The following ZBTB16 variants were observed in gnomAD, a reference collection of about 807,000 sequenced individuals.
ZBTB16 encodes the protein zinc finger and BTB domain containing 16.
In ZBTB16, 8 loss-of-function variants were observed where a neutral mutation model predicts 56.8. The observed-to-expected ratio is 0.14, with a 90% CI of 0.08 to 0.25. ZBTB16 has a LOEUF of 0.25. ZBTB16 is among the 10% of genes least tolerant of loss of function. The probability of loss-of-function intolerance (pLI) is 1.00; values close to 1 mark genes in which losing one functional copy is unlikely to be tolerated. For missense variants in ZBTB16, 625 were observed against 903.0 expected, an observed-to-expected ratio of 0.69 and a Z score of 3.95; for synonymous variants, 363 against 368.5, an observed-to-expected ratio of 0.98 and a Z score of 0.17.
rs58946694 is a variant in ZBTB16 at position 114,167,232 on chromosome 11, G to GTTTTTT, written c.1366+10814_1366+10819dup. On this transcript the variant is annotated intron_variant, in intron 3 of 6. Transcript: ENST00000335953. ...GGATTTGTGGTTTTTTTTTTTTTTG[G>GTTTTTT]TTTTTTTTTTTTTTTTTTTTTGACA... 1.3e-3 allele frequency among the ~76,000 whole-genome samples: 115 copies of GTTTTTT among 88,704 alleles called. 2 individuals are homozygous for GTTTTTT. Among genetic ancestry groups the GTTTTTT allele is most frequent in the East Asian group, 1.7e-3 (5 of 2,872 alleles). The allele number at this position is 88,704 out of a possible 152,430, so 58.2% of individuals were successfully genotyped here.
At chr11:114,071,575 A>G (rs1939349834) in intron 2 of ZBTB16, among the ~76,000 whole-genome samples, 1 of 152,198 alleles carries the variant, frequency 6.6e-6, no homozygotes, top group Admixed American at 6.5e-5. Context: ...ATTTCTTGCT[A>G]ATTCAGGAGA....
chr11:114,098,034 T>TCTC (rs1169314724), intron 2 of ZBTB16, among the ~76,000 whole-genome samples: 1 of 152,206 alleles, frequency 6.6e-6, no homozygotes, highest in Non-Finnish European at 1.5e-5. Flanking sequence ...ACGGGCCTTG[T>TCTC]CTCCTCCTGC....
intron 4 of ZBTB16, among the ~76,000 whole-genome samples, chr11:114,232,119 C>T (rs1409840182): frequency 6.6e-6 from 1 of 152,176 alleles, no homozygotes; most frequent in Non-Finnish European, 1.5e-5. Context: ...TGTTCCCCCA[C>T]CCGCTTTGGG....
intron 2 of ZBTB16, among the ~76,000 whole-genome samples, chr11:114,127,774 A>G (rs117911266): frequency 0.012 from 1,753 of 152,320 alleles, 14 homozygotes; most frequent in Non-Finnish European, 0.018. Context: ...CTGTTAGCAC[A>G]TGGCTATGCA....
At position 114,255,059 on chromosome 11, in the gene ZBTB16, A is replaced by G. The variant is rs1159902975; in HGVS notation, c.*4504A>G. Among the ~76,000 whole-genome samples, 1 of 152,218 alleles carries G rather than the reference A, an allele frequency of 6.6e-6. No individual in the cohort carries two copies. The highest frequency in any genetic ancestry group is 1.5e-5 in the Non-Finnish European group (1 of 68,038). ...GTTATGCATGATCTTCGTAAGGTTA[A>G]GAAGCCGTGGTGGTGCACCATGACA... On this transcript the variant is annotated 3_prime_UTR_variant, in exon 7 of 7. Transcript: ENST00000335953.
At chr11:114,217,806 G>T (rs144698154) in intron 4 of ZBTB16, among the ~76,000 whole-genome samples, 1 of 152,320 alleles carries the variant, frequency 6.6e-6, no homozygotes, top group East Asian at 1.9e-4. Context: ...GCTCAGCAGA[G>T]AAGGGCCTCC....
At chr11:114,206,123 C>G (rs1943866181) in intron 4 of ZBTB16, among the ~76,000 whole-genome samples, 2 of 152,206 alleles carry the variant, frequency 1.3e-5, no homozygotes, top group African/African-American at 4.8e-5. Context: ...AGTACCAAGT[C>G]ATGGTGCCAT....
intron 2 of ZBTB16, among the ~76,000 whole-genome samples, chr11:114,106,843 T>C (rs559291872): frequency 6.6e-6 from 1 of 152,328 alleles, no homozygotes; most frequent in South Asian, 2.1e-4. Context: ...TTCCAAAATG[T>C]TGTGACTTCC....
At chr11:114,088,757 G>C (rs1325358030) in intron 2 of ZBTB16, among the ~76,000 whole-genome samples, 1 of 152,242 alleles carries the variant, frequency 6.6e-6, no homozygotes, top group East Asian at 1.9e-4. Context: ...CTCAGGTATT[G>C]TTAAAGCAGA....
At chr11:114,232,467 C>T (rs1326439777) in intron 4 of ZBTB16, among the ~76,000 whole-genome samples, 4 of 152,154 alleles carry the variant, frequency 2.6e-5, no homozygotes, top group African/African-American at 4.8e-5. Context: ...GCCCTCAAGT[C>T]GGCACCCTGC....
At chr11:114,179,280 TAG>T (rs113097570) in intron 3 of ZBTB16, among the ~76,000 whole-genome samples, 18 of 149,518 alleles carry the variant, frequency 1.2e-4, no homozygotes, top group Non-Finnish European at 1.2e-4. Flanking sequence ...GAGAGAGAGC[TAG>T]AGAGAGAGAG....
intron 2 of ZBTB16, among the ~76,000 whole-genome samples, chr11:114,075,047 G>A (rs1286427896): frequency 6.6e-6 from 1 of 152,194 alleles, no homozygotes; most frequent in Non-Finnish European, 1.5e-5. Context: ...GGGAAGGAGA[G>A]ACCCCCACGT....
intron 4 of ZBTB16, among the ~76,000 whole-genome samples, chr11:114,233,462 A>G (rs528379678): frequency 3.8e-4 from 58 of 152,190 alleles, no homozygotes; most frequent in African/African-American, 1.4e-3. Flanking sequence ...TTCCTGCCAG[A>G]GGCCCCTGCA....
chr11:114,133,194 A>G (rs902699338), intron 2 of ZBTB16, among the ~76,000 whole-genome samples: 11 of 150,024 alleles, frequency 7.3e-5, no homozygotes, highest in Admixed American at 7.3e-4. Flanking sequence ...AGGTGTCCAG[A>G]CTCTCTTGGT....
chr11:114,252,116 G>A lies in ZBTB16; in HGVS notation c.*1561G>A, dbSNP rs1944928563. ...GAGGGCCGAGGAGGGCGAAGAGCGT[G>A]GGTGGGGAGGGGATGTTGCTTTGGG... is the stretch of plus-strand genomic sequence containing the variant. On this transcript the variant is annotated 3_prime_UTR_variant, in exon 7 of 7. Transcript: ENST00000335953. 6.6e-6 allele frequency among the ~76,000 whole-genome samples: 1 copy of A among 152,020 alleles called. No homozygotes were observed. The highest frequency in any genetic ancestry group is 6.5e-5 in the Admixed American group (1 of 15,278).
At chr11:114,196,403 C>CAAAGAAACAGACAGAGATAGCT (rs60895547) in intron 4 of ZBTB16, among the ~76,000 whole-genome samples, 1 of 151,922 alleles carries the variant, frequency 6.6e-6, no homozygotes, top group East Asian at 1.9e-4. Flanking sequence ...AAAAAAGAGG[C>CAAAGAAACAGACAGAGATAGCT]AAGGTCATTC....
At chr11:114,205,291 T>C (rs561160488) in intron 4 of ZBTB16, among the ~76,000 whole-genome samples, 1 of 151,474 alleles carries the variant, frequency 6.6e-6, no homozygotes, top group East Asian at 2.0e-4. Context: ...GCGCCTGTAG[T>C]CCCAGCTACT....
chr11:114,232,816 C>T (rs1313554185), intron 4 of ZBTB16, among the ~76,000 whole-genome samples: 2 of 152,306 alleles, frequency 1.3e-5, no homozygotes, highest in African/African-American at 4.8e-5. Context: ...TGCCTCCCAC[C>T]CCCATGTGGG....
intron 2 of ZBTB16, among the ~76,000 whole-genome samples, chr11:114,140,222 C>T (rs1189336178): frequency 1.3e-5 from 2 of 152,202 alleles, no homozygotes; most frequent in Non-Finnish European, 2.9e-5. Flanking sequence ...TCTGCTGCCT[C>T]CTTGGTATCT....
Sources: gnomAD v4.1 joint callset for allele counts (sites outside exome capture counted in the v4.1 genomes callset) on GRCh38, gnomAD v4.1.1 for gene constraint, MANE v1.5 for transcripts, NCBI Gene and HGNC (gene_info 2026-07-23, HGNC 2026-07-21) for gene names.